FECH: variants seen among roughly 807,000 people sequenced by gnomAD.
FECH encodes the protein ferrochelatase, mitochondrial.
In FECH, 40 loss-of-function variants were observed where a neutral mutation model predicts 56.9. The observed-to-expected ratio is 0.70, with a 90% CI of 0.55 to 0.92. The LOEUF (loss-of-function observed/expected upper bound fraction) is 0.92. FECH is among the 40% of genes least tolerant of loss of function. The pLI is 0.00. For missense variants in FECH, 431 were observed against 529.1 expected (o/e 0.81, Z 1.82); for synonymous variants, 175 against 198.6 (o/e 0.88, Z 1.00).
At chr18:57,553,429 G>A (rs2050825141) in intron 9 of FECH, among the ~76,000 whole-genome samples, 1 of 152,154 alleles carries the variant, frequency 6.6e-6, no homozygotes, top group African/African-American at 2.4e-5. Flanking sequence ...CCCAGAGAGG[G>A]TGAAGTCTCC....
chr18:57,568,909 T>C (rs2051054291), intron 4 of FECH, among the ~76,000 whole-genome samples: 1 of 152,236 alleles, frequency 6.6e-6, no homozygotes, highest in Admixed American at 6.5e-5. Context: ...TTTGTCATGT[T>C]AATGCCTCTC....
At chr18:57,572,679 G>A (rs1412572412) in intron 3 of FECH, among the ~76,000 whole-genome samples, 1 of 151,338 alleles carries the variant, frequency 6.6e-6, no homozygotes, top group Non-Finnish European at 1.5e-5. Context: ...ACTATTTCTG[G>A]ATGTAACAGC....
chr18:57,572,780 C>A (rs2051133431), intron 3 of FECH, among the ~76,000 whole-genome samples: 1 of 151,616 alleles, frequency 6.6e-6, no homozygotes, highest in African/African-American at 2.4e-5. Context: ...TAGTTTTTAT[C>A]CCATGCATGT....
chr18:57,579,273 A>ATATCTATATATATG (rs1568154235), intron 2 of FECH, among the ~76,000 whole-genome samples: 2 of 124,204 alleles, frequency 1.6e-5, no homozygotes, highest in African/African-American at 6.4e-5. Context: ...ATATATATAT[A>ATATCTATATATATG]TGTGTGTGTG....
rs1359577494 is a variant in FECH, at chr18:57,545,901, T to C, written c.*4811A>G. Among the ~76,000 whole-genome samples the C allele has an allele frequency of 6.6e-6, 1 of 152,198 alleles. No homozygotes were observed. Among genetic ancestry groups the C allele is most frequent in the African/African-American group, 2.4e-5 (1 of 41,452 alleles). On this transcript the variant is annotated 3_prime_UTR_variant, in exon 11 of 11. Transcript: ENST00000262093. ...TGTTCTGGGGATCTAACATACAGCA[T>C]GGCGAATGTAGTTAATAATACTTCA...
At chr18:57,565,530 C>T (rs993938895) in intron 5 of FECH, among the ~76,000 whole-genome samples, 6 of 150,670 alleles carry the variant, frequency 4.0e-5, no homozygotes, top group African/African-American at 1.2e-4. Context: ...CACTTGAACC[C>T]GGGAGATGGA....
intron 6 of FECH, among the ~76,000 whole-genome samples, chr18:57,562,553 A>C (rs956435215): frequency 6.6e-6 from 1 of 152,182 alleles, no homozygotes; most frequent in African/African-American, 2.4e-5. Flanking sequence ...TCAACCTACA[A>C]ATGTAAGTTA....
chr18:57,546,635 G>A lies in FECH; in HGVS notation c.*4077C>T, dbSNP rs548648988. On this transcript the variant is annotated 3_prime_UTR_variant, in exon 11 of 11. Coordinates refer to ENST00000262093, the MANE Select transcript of FECH (RefSeq NM_000140.5). The stretch of plus-strand genomic sequence containing the variant: ...TCAGCGTGACCTGGAGGTGAGACAT[G>A]GAGTCAAAGGAGATTATTCCGGAAC... Among the ~76,000 whole-genome samples, 33 of 152,296 alleles carry A rather than the reference G, an allele frequency of 2.2e-4. No homozygotes were observed. The highest frequency in any genetic ancestry group is 3.4e-3 in the Middle Eastern group (1 of 294).
chr18:57,553,779 A>G (rs2050831148), intron 9 of FECH, among the ~76,000 whole-genome samples: 1 of 152,190 alleles, frequency 6.6e-6, no homozygotes, highest in South Asian at 2.1e-4. Context: ...CATTGCTTCC[A>G]TGTTCATTTC....
chr18:57,578,977 C>T (rs372057276), intron 2 of FECH, among the ~76,000 whole-genome samples: 18 of 146,080 alleles, frequency 1.2e-4, no homozygotes, highest in African/African-American at 4.3e-4. Context: ...AATAAAATTA[C>T]AGGCTCATGC....
chr18:57,572,874 C>A, intron 3 of FECH: 1 of 186,582 alleles, frequency 5.4e-6, no homozygotes, highest in Non-Finnish European at 1.1e-5. Context: ...AAAAGAAGGG[C>A]AGCAACAATC....
In FECH at chr18:57,571,554, C is replaced by T. The variant is rs779959463; in HGVS notation, c.315-14G>A. 1 of 1,613,904 alleles carries T rather than the reference C, an allele frequency of 6.2e-7. No individual in the cohort carries two copies. The highest frequency in any genetic ancestry group is 1.7e-5 in the Admixed American group (1 of 59,988). On this transcript the variant is annotated splice_polypyrimidine_tract_variant and intron_variant, in intron 3 of 10. Transcript: ENST00000262093. ...GGTGCCAGCTTACTAAATCATTTAA[C>T]ATACAGGTAAGTGGATTTTATTCCA...
rs971246442 is a variant in FECH at position 57,546,327 on chromosome 18, G to A, written c.*4385C>T. Among the ~76,000 whole-genome samples the A allele has an allele frequency of 6.6e-6, 1 of 152,172 alleles. No homozygotes were observed. Among genetic ancestry groups the A allele is most frequent in the Non-Finnish European group, 1.5e-5 (1 of 68,020 alleles). ...AATTCTGCCTTCCCGCTGTCGTTGG[G>A]CAAGGTGGTCCTTTGCCGCATCGAC... On this transcript the variant is annotated 3_prime_UTR_variant, in exon 11 of 11. Coordinates refer to ENST00000262093, the MANE Select transcript of FECH (RefSeq NM_000140.5).
In FECH at chr18:57,560,314, C is replaced by T. The variant is rs531149093; in HGVS notation, c.706-1071G>A. On this transcript the variant is annotated intron_variant, in intron 6 of 10. Transcript: ENST00000262093. ...ACACACACACATACATACACACACACGGGGCGTGTAAATGATAAAGCAAGT... is the reference window on the plus strand; with the variant it reads ...ACACACACACATACATACACACACATGGGGCGTGTAAATGATAAAGCAAGT... Among the ~76,000 whole-genome samples the T allele has an allele frequency of 4.6e-5, 7 of 152,258 alleles. No individual in the cohort carries two copies. In the East Asian group the frequency reaches 5.8e-4, roughly 13 times the overall value.
chr18:57,580,171 C>T lies in FECH; in HGVS notation c.96G>A (p.Gln32=), dbSNP rs1164490890. The change falls in exon 2 of 11, where the codon CAG becomes CAA. Residue 32 remains glutamine (Q), a synonymous_variant. Coordinates refer to ENST00000262093, the MANE Select transcript of FECH (RefSeq NM_000140.5). ...PLASSSWRVC[Q]PWRWKSGAAA... is the part of the protein sequence containing the mutation. ...CTGCACCTGACTTCCACCTCCATGG[C>T]TGACAGACCCTCCAGCTGCTGGATG... 1.9e-6 allele frequency: 3 copies of T among 1,614,076 alleles called. No individual in the cohort carries two copies. Among genetic ancestry groups the T allele is most frequent in the Non-Finnish European group, 2.5e-6 (3 of 1,180,042 alleles).
intron 6 of FECH, among the ~76,000 whole-genome samples, chr18:57,560,130 G>A (rs1247189630): frequency 3.3e-5 from 5 of 152,198 alleles, no homozygotes; most frequent in African/African-American, 9.7e-5. Context: ...AAATATTGAC[G>A]TTAAATTTAC....
chr18:57,565,792 G>A (rs967552061), intron 5 of FECH, among the ~76,000 whole-genome samples: 2 of 152,166 alleles, frequency 1.3e-5, no homozygotes, highest in African/African-American at 4.8e-5. Flanking sequence ...CCTTGCAATG[G>A]AATGCAAACA....
intron 6 of FECH, among the ~76,000 whole-genome samples, chr18:57,560,833 C>T (rs1381831177): frequency 6.6e-6 from 1 of 152,128 alleles, no homozygotes; most frequent in Non-Finnish European, 1.5e-5. Context: ...TATTTTGATA[C>T]ATCAGTGGTC....
chr18:57,555,628 A>G (rs573198265), intron 7 of FECH, among the ~76,000 whole-genome samples: 53 of 152,340 alleles, frequency 3.5e-4, no homozygotes, highest in African/African-American at 1.3e-3. Context: ...CTGACTCCCT[A>G]GCCCTCACCT....
Sources: gnomAD v4.1 joint callset for allele counts (sites outside exome capture counted in the v4.1 genomes callset) on GRCh38, gnomAD v4.1.1 for gene constraint, MANE v1.5 for transcripts, NCBI Gene and HGNC (gene_info 2026-07-23, HGNC 2026-07-21) for gene names.